Variants in CALML6 observed in about 807,000 individuals in gnomAD.
The protein encoded by CALML6 is calmodulin like 6, also known as calmodulin-like protein 6.
Under a neutral mutation model 25.0 loss-of-function variants are expected in CALML6, and 27 were observed. The ratio of observed to expected loss-of-function variants is 1.08; its 90% confidence interval spans 0.80 to 1.49. The LOEUF (loss-of-function observed/expected upper bound fraction) is 1.49. CALML6 is among the 40% of genes most tolerant of loss of function. CALML6 has a pLI of 0.00. For missense variants in CALML6, 239 were observed against 232.7 expected (o/e 1.03, Z -0.18); for synonymous variants, 97 against 87.2 (o/e 1.11, Z -0.63).
chr1:1,916,930 G>GGGGGGGGGGGGGGGGGGC, intron 4 of CALML6, 34 bp downstream of exon 4: 2 of 664,990 alleles, frequency 3.0e-6, no homozygotes, highest in Non-Finnish European at 5.3e-6. Context: ...TGGTGGGCGG[G>GGGGGGGGGGGGGGGGGGC]CACGGGCAGG....
At chr1:1,916,278 C>A in intron 2 of CALML6, 163 bp from the exon 3 acceptor site, 1 of 624,300 alleles carries the variant, frequency 1.6e-6, no homozygotes, top group South Asian at 2.7e-5. Flanking sequence ...TGGCGTGTGA[C>A]CCCTTGTCCT....
chr1:1,915,354 A>AG, intron 1 of CALML6, 47 bp downstream of exon 1: 10 of 1,549,898 alleles, frequency 6.5e-6, no homozygotes, highest in Non-Finnish European at 8.7e-6. Flanking sequence ...GACCTGCTGG[A>AG]GGGCCGCACC....
Position 1,915,557 on chromosome 1 carries a change from G to C in CALML6, c.28-128G>C, listed in dbSNP as rs376961926. The C allele has an allele frequency of 9.5e-6, 12 of 1,261,326 alleles. No homozygotes were observed. The South Asian group carries it at 1.6e-4, about 17-fold the overall frequency. The allele number at this position is 1,261,326 out of a possible 1,614,324, so 78.1% of individuals were successfully genotyped here. On this transcript the variant is annotated intron_variant, in intron 1 of 5. Coordinates refer to ENST00000307786, the MANE Select transcript of CALML6 (RefSeq NM_138705.4). ...GCCCTGTGGATAAGGCCGAGAGCCT[G>C]TCCCAAAATAGGGCCGGCAGGATTT... is the stretch of plus-strand genomic sequence containing the variant.
At position 1,916,568 on chromosome 1, in the gene CALML6, C is replaced by T. The variant is rs750742659; in HGVS notation, c.206C>T (p.Pro69Leu). 6.2e-7 allele frequency: 1 copy of T among 1,611,734 alleles called. No individual in the cohort carries two copies. The highest frequency in any genetic ancestry group is 8.5e-7 in the Non-Finnish European group (1 of 1,179,218). The change falls in exon 3 of 6, where the codon CCC becomes CTC. Residue 69 changes from proline to leucine, a missense_variant. By Grantham distance (98) the Pro-to-Leu change is moderately conservative (BLOSUM62 -3). This residue lies in a region of CALML6 where 231 missense variants were observed against 210.9 expected (regional missense o/e 1.10). Transcript: ENST00000307786. Reference protein sequence around the residue: ...EWLMSLLGINPTKSELASMAK... With the variant: ...EWLMSLLGINLTKSELASMAK... Reference sequence around the variant, plus strand: ...CTCATGAGCCTGCTGGGTATCAACCCCACCAAGAGTGAGCTGGCCTCAATG... The same window carrying T: ...CTCATGAGCCTGCTGGGTATCAACCTCACCAAGAGTGAGCTGGCCTCAATG...
Position 1,916,649 on chromosome 1 carries a change from CG to C in CALML6, c.253+41del, listed in dbSNP as rs758893678. The C allele has an allele frequency of 5.3e-5, 84 of 1,592,752 alleles. 1 individual carries two copies. The highest frequency in any genetic ancestry group is 1.5e-4 in the Admixed American group (9 of 58,762). The stretch of plus-strand genomic sequence containing the variant: ...ATGGCTGGAGTGGGGTGGGCAGCCT[CG>C]GGGGGGCCCTGGGTCAGGTGTCAGT... On this transcript the variant is annotated intron_variant, in intron 3 of 5. Coordinates refer to ENST00000307786, the MANE Select transcript of CALML6 (RefSeq NM_138705.4).
chr1:1,915,689 C>G lies in CALML6; in HGVS notation c.32C>G (p.Pro11Arg). Residue 11 changes from proline to arginine, a missense_variant, in exon 2 of 6, where the codon CCC becomes CGC. By Grantham distance (103) the Pro-to-Arg change is moderately radical. This residue lies in a region of CALML6 where 8 missense variants were observed against 21.8 expected (regional missense o/e 0.37). Coordinates refer to ENST00000307786, the MANE Select transcript of CALML6 (RefSeq NM_138705.4). ...GCCCCAGCACTCTGCCCACAGCAGC[C>G]CTGGTGTCACCACCCTGCAGAATCC... MGLQQEISLQ[P>R]WCHHPAESCQ... 1 of 1,613,330 alleles carries G rather than the reference C, an allele frequency of 6.2e-7. No individual in the cohort carries two copies. The highest frequency in any genetic ancestry group is 8.5e-7 in the Non-Finnish European group (1 of 1,179,950).
Position 1,917,212 on chromosome 1 carries a change from G to T in CALML6, c.*19G>T, listed in dbSNP as rs776127817. On this transcript the variant is annotated 3_prime_UTR_variant, in exon 6 of 6. Transcript: ENST00000307786. ...CCAGTAGGTGCAGCTGCCGCAGCCGGGGGAGGCCTGCCCGGGAAGGCTGCT... is the reference window on the plus strand; with the variant it reads ...CCAGTAGGTGCAGCTGCCGCAGCCGTGGGAGGCCTGCCCGGGAAGGCTGCT... 2.5e-6 allele frequency: 4 copies of T among 1,582,290 alleles called. No homozygotes were observed. Among genetic ancestry groups the T allele is most frequent in the Non-Finnish European group, 3.4e-6 (4 of 1,167,070 alleles).
intron 2 of CALML6, 61 bp downstream of exon 2, chr1:1,915,796 G>A (rs1210872699): frequency 5.2e-6 from 8 of 1,543,654 alleles, no homozygotes; most frequent in Non-Finnish European, 7.1e-6. Context: ...GGTTGAGCTG[G>A]AACCTGGAGG....
intron 2 of CALML6, 175 bp from the exon 3 acceptor site, chr1:1,916,266 C>G: frequency 1.7e-6 from 1 of 588,024 alleles, no homozygotes; most frequent in Non-Finnish European, 2.9e-6. Flanking sequence ...CCTGCAAACC[C>G]CTGGCGTGTG....
At chr1:1,916,360 T>G in intron 2 of CALML6, 81 bp from the exon 3 acceptor site, 1 of 1,304,042 alleles carries the variant, frequency 7.7e-7, no homozygotes, top group Non-Finnish European at 1.0e-6. Flanking sequence ...GAGGAATGGG[T>G]GCAGGGGGTA....
intron 3 of CALML6, 52 bp downstream of exon 3, chr1:1,916,667 G>T (rs1177834517): frequency 6.2e-7 from 1 of 1,606,062 alleles, no homozygotes; most frequent in Non-Finnish European, 8.5e-7. Flanking sequence ...CCCTGGGTCA[G>T]GTGTCAGTGC....
At position 1,917,166 on chromosome 1, in the gene CALML6, G is replaced by C. The variant is rs1180598909; in HGVS notation, c.519G>C (p.Thr173=). ...TCCCAGAGTTTGTGGCCATGATGAC[G>C]GGGGAGTCCTTCAAGCTGATCCAGT... ...IDYEEFVAMM[T]GESFKLIQ Residue 173 remains threonine, a synonymous_variant, in exon 6 of 6, where the codon ACG becomes ACC. Coordinates refer to ENST00000307786, the MANE Select transcript of CALML6 (RefSeq NM_138705.4). The C allele has an allele frequency of 6.2e-6, 10 of 1,607,028 alleles. No homozygotes were observed. In the African/African-American group the frequency reaches 9.4e-5, roughly 15 times the overall value.
chr1:1,916,316 C>T (rs1324898591), intron 2 of CALML6, 125 bp from the exon 3 acceptor site: 5 of 895,734 alleles, frequency 5.6e-6, no homozygotes, highest in Admixed American at 6.0e-5. Context: ...TGGGGGCCTC[C>T]TCTCTTACCA....
Position 1,916,976 on chromosome 1 carries a change from A to T in CALML6, c.401A>T (p.Tyr134Phe), listed in dbSNP as rs1651150155. The stretch of plus-strand genomic sequence containing the variant: ...TGGCTCAGCGCCAGGCCCCGTAGGT[A>T]CGTGCTAATGAACGCAGGGGAGCCC... ...KGYIDWNTLK[Y>F]VLMNAGEPLN... The change falls in exon 5 of 6, where the codon TAC becomes TTC. Residue 134 changes from tyrosine to phenylalanine, a missense_variant and splice_region_variant. Coordinates refer to ENST00000307786, the MANE Select transcript of CALML6 (RefSeq NM_138705.4). 6.2e-7 allele frequency: 1 copy of T among 1,610,912 alleles called. No individual in the cohort carries two copies. Among genetic ancestry groups the T allele is most frequent in the African/African-American group, 1.3e-5 (1 of 74,886 alleles).
chr1:1,916,383 C>T, intron 2 of CALML6, 58 bp from the exon 3 acceptor site: 1 of 1,445,046 alleles, frequency 6.9e-7, no homozygotes, highest in South Asian at 1.4e-5. Context: ...TCTGACCCTT[C>T]CCTGGACACA....
In CALML6 at chr1:1,916,596, C is replaced by T. The variant is rs1385483024; in HGVS notation, c.234C>T (p.Ala78=). ...NPTKSELASM[A]KDVDRDNKGF... is the part of the protein sequence containing the mutation. ...CCAAGAGTGAGCTGGCCTCAATGGC[C>T]AAGGATGTGGACAGAGACAGTGAGC... The change falls in exon 3 of 6, where the codon GCC becomes GCT. Residue 78 remains alanine, a synonymous_variant. Coordinates refer to ENST00000307786, the MANE Select transcript of CALML6 (RefSeq NM_138705.4). 3 of 1,607,452 alleles carry T rather than the reference C, an allele frequency of 1.9e-6. No homozygotes were observed. Among genetic ancestry groups the T allele is most frequent in the Non-Finnish European group, 2.5e-6 (3 of 1,177,122 alleles).
intron 1 of CALML6, 25 bp downstream of exon 1, chr1:1,915,332 G>A: frequency 1.9e-6 from 3 of 1,551,434 alleles, no homozygotes; most frequent in Non-Finnish European, 2.6e-6. Flanking sequence ...CATGGGACCA[G>A]GGTCCCATGA....
At position 1,916,529 on chromosome 1, in the gene CALML6, G is replaced by A. The variant is rs147568087; in HGVS notation, c.167G>A (p.Gly56Glu). The A allele has an allele frequency of 1.2e-6, 2 of 1,611,016 alleles. No individual in the cohort carries two copies. The highest frequency in any genetic ancestry group is 2.2e-5 in the South Asian group (2 of 90,698). ...GAGGGCAACGGGGAGGTGAAGACGGGGGAGCTGGAGTGGCTCATGAGCCTG... is the reference window on the plus strand; with the variant it reads ...GAGGGCAACGGGGAGGTGAAGACGGAGGAGCTGGAGTGGCTCATGAGCCTG... ...DEEGNGEVKT[G>E]ELEWLMSLLG... The change falls in exon 3 of 6, where the codon GGG becomes GAG. Residue 56 changes from glycine to glutamate, a missense_variant. Physicochemically the swap from Gly to Glu is moderately conservative, Grantham distance 98. Transcript: ENST00000307786.
At chr1:1,915,603 G>T in intron 1 of CALML6, 82 bp from the exon 2 acceptor site, 1 of 1,475,010 alleles carries the variant, frequency 6.8e-7, no homozygotes, top group Non-Finnish European at 9.3e-7. Context: ...AAAGGCTCTT[G>T]GAATCTGGAC....
Sources: allele counts gnomAD v4.1 joint callset, GRCh38; gene constraint gnomAD v4.1.1; regional missense constraint gnomAD v4.1.1; transcripts MANE v1.5; gene names NCBI Gene and HGNC (gene_info 2026-07-23, HGNC 2026-07-21).